Variants in NINL observed in about 807,000 individuals in gnomAD.
The protein encoded by NINL is ninein like.
NINL carries 153 observed loss-of-function variants against 160.3 expected under a neutral mutation model. That is an observed-to-expected ratio of 0.95 (90% CI 0.84 to 1.09). The LOEUF is 1.09. NINL is among the 50% of genes least tolerant of loss of function. NINL has a pLI of 0.00. For synonymous variants in NINL, 800 were observed against 734.8 expected (o/e 1.09, Z -1.43); for missense variants, 1,829 against 1,764.0 (o/e 1.04, Z -0.66).
chr20:25,504,391 G>C (rs568300880), intron 6 of NINL, among the ~76,000 whole-genome samples: 15 of 152,346 alleles, frequency 9.8e-5, no homozygotes, highest in African/African-American at 3.4e-4. Flanking sequence ...GCTGGGGCTG[G>C]ATCCTGCGGG....
At chr20:25,508,679 G>A (rs2064008873) in intron 5 of NINL, among the ~76,000 whole-genome samples, 1 of 152,238 alleles carries the variant, frequency 6.6e-6, no homozygotes, top group Non-Finnish European at 1.5e-5. Flanking sequence ...GGGGGGCGCT[G>A]GCAGCCTGAA....
At chr20:25,546,356 A>C (rs375775152) in intron 1 of NINL, among the ~76,000 whole-genome samples, 1 of 152,272 alleles carries the variant, frequency 6.6e-6, no homozygotes, top group East Asian at 1.9e-4. Context: ...TTCGTGGGTA[A>C]GTGCTTTCTT....
At chr20:25,512,757 G>A in intron 4 of NINL, 77 bp downstream of exon 4, 1 of 1,491,030 alleles carries the variant, frequency 6.7e-7, no homozygotes. Flanking sequence ...GTGATTATGT[G>A]CTACAAAAAG....
At chr20:25,571,184 C>G (rs981521838) in intron 1 of NINL, among the ~76,000 whole-genome samples, 3 of 152,132 alleles carry the variant, frequency 2.0e-5, no homozygotes, top group Non-Finnish European at 4.4e-5. Flanking sequence ...GTCAAAATAT[C>G]CAGAAAAAGG....
chr20:25,561,865 G>A (rs1336294169), intron 1 of NINL, among the ~76,000 whole-genome samples: 17 of 151,818 alleles, frequency 1.1e-4, no homozygotes, highest in Admixed American at 7.2e-4. Flanking sequence ...AGTGAGGAGC[G>A]TCTCCGCCCA....
At chr20:25,498,061 A>T in intron 9 of NINL, 149 bp downstream of exon 9, 1 of 957,338 alleles carries the variant, frequency 1.0e-6, no homozygotes, top group South Asian at 1.6e-5. Context: ...GCCAGAGAGC[A>T]CGGGACAGAC....
chr20:25,520,059 A>ATAG, intron 2 of NINL, among the ~76,000 whole-genome samples: 1 of 96,912 alleles, frequency 1.0e-5, no homozygotes, highest in Non-Finnish European at 2.1e-5. Flanking sequence ...GCAGAATTTA[A>ATAG]AATTCAGAAA....
At chr20:25,471,813 G>A (rs1381278187) in intron 17 of NINL, among the ~76,000 whole-genome samples, 1 of 152,142 alleles carries the variant, frequency 6.6e-6, no homozygotes. Context: ...AAAAGCAATA[G>A]CATCCCATAT....
rs563958063 is a variant in NINL at position 25,558,966 on chromosome 20, G to T, written c.-12+26489C>A. Among the ~76,000 whole-genome samples the T allele has an allele frequency of 1.2e-4, 19 of 152,304 alleles. 1 individual carries two copies. In the South Asian group the frequency reaches 3.9e-3, roughly 32 times the overall value. On this transcript the variant is annotated intron_variant, in intron 1 of 23. Transcript: ENST00000278886. ...TGCACCTTCTGCTTTTCCCAGCCAGGTTGCTTTGCTTCCAAGATCTTATGA... is the reference window on the plus strand; with the variant it reads ...TGCACCTTCTGCTTTTCCCAGCCAGTTTGCTTTGCTTCCAAGATCTTATGA...
chr20:25,517,915 T>A, intron 2 of NINL, 66 bp from the exon 3 acceptor site: 1 of 973,112 alleles, frequency 1.0e-6, no homozygotes, highest in Non-Finnish European at 1.5e-6. Flanking sequence ...CAAAAGTGAC[T>A]CTTTTGGATT....
At chr20:25,454,501 G>A (rs2090617737) in intron 23 of NINL, among the ~76,000 whole-genome samples, 1 of 152,194 alleles carries the variant, frequency 6.6e-6, no homozygotes, top group South Asian at 2.1e-4. Flanking sequence ...CAGTAGGGGA[G>A]GAAGCTGGGC....
At chr20:25,501,138 C>G in intron 7 of NINL, 128 bp from the exon 8 acceptor site, 1 of 1,227,660 alleles carries the variant, frequency 8.1e-7, no homozygotes, top group Non-Finnish European at 1.1e-6. Flanking sequence ...TGAGACCATC[C>G]TCAGCTCTCA....
At chr20:25,506,485 G>C (rs1427579942) in intron 5 of NINL, among the ~76,000 whole-genome samples, 2 of 152,088 alleles carry the variant, frequency 1.3e-5, no homozygotes, top group Admixed American at 1.3e-4. Flanking sequence ...GATGCTCCCC[G>C]ACTTATGATG....
intron 5 of NINL, among the ~76,000 whole-genome samples, chr20:25,506,054 G>T (rs979238921): frequency 2.4e-4 from 37 of 152,272 alleles, no homozygotes; most frequent in Admixed American, 7.2e-4. Flanking sequence ...ACGAGGTCAG[G>T]AGTTCAAGAC....
intron 1 of NINL, among the ~76,000 whole-genome samples, chr20:25,554,589 A>T (rs906981742): frequency 2.0e-5 from 3 of 148,994 alleles, no homozygotes; most frequent in Non-Finnish European, 4.4e-5. Flanking sequence ...GTTCAAGACC[A>T]GCATGAGCAA....
At chr20:25,519,458 GT>G (rs1273225399) in intron 2 of NINL, among the ~76,000 whole-genome samples, 1 of 151,988 alleles carries the variant, frequency 6.6e-6, no homozygotes. Flanking sequence ...TTAGAACTTT[GT>G]TTTTCTTGAA....
Position 25,476,332 on chromosome 20 carries a change from T to C in NINL, c.2959A>G (p.Ser987Gly). ...AIQEERARSW[S>G]RGTQEQASEQ... is the part of the protein sequence containing the mutation. ...GAGGCCTGCTCCTGGGTGCCCCTGCTCCAGCTTCGTGCTCGCTCTTCCTGA... is the reference window on the plus strand; with the variant it reads ...GAGGCCTGCTCCTGGGTGCCCCTGCCCCAGCTTCGTGCTCGCTCTTCCTGA... Residue 987 changes from serine (S) to glycine (G), a missense_variant, in exon 17 of 24, where the codon AGC becomes GGC. Coordinates refer to ENST00000278886, the MANE Select transcript of NINL (RefSeq NM_025176.6). The C allele has an allele frequency of 6.2e-7, 1 of 1,612,720 alleles. No individual in the cohort carries two copies. Among genetic ancestry groups the C allele is most frequent in the Non-Finnish European group, 8.5e-7 (1 of 1,179,926 alleles).
At chr20:25,561,631 C>T (rs1171441828) in intron 1 of NINL, among the ~76,000 whole-genome samples, 3 of 151,730 alleles carry the variant, frequency 2.0e-5, no homozygotes, top group African/African-American at 7.3e-5. Context: ...AAGTGAGGAG[C>T]GTCTCTGCCC....
chr20:25,458,236 T>C (rs2090740882), intron 22 of NINL, 147 bp downstream of exon 22: 3 of 1,105,910 alleles, frequency 2.7e-6, no homozygotes, highest in African/African-American at 1.5e-5. Flanking sequence ...ACTGCCTCTC[T>C]CCCTACAGCC....
Sources: allele counts gnomAD v4.1 joint callset (sites outside exome capture counted in the v4.1 genomes callset), GRCh38; gene constraint gnomAD v4.1.1; transcripts MANE v1.5; gene names NCBI Gene and HGNC (gene_info 2026-07-23, HGNC 2026-07-21).